The following GXYLT2 variants were observed in gnomAD, a reference collection of about 807,000 sequenced individuals.
GXYLT2 encodes the protein glycosyltransferase 8 domain containing 4.
A neutral mutation model predicts 45.8 loss-of-function variants in GXYLT2; 53 were observed. The observed-to-expected ratio is 1.16, with a 90% CI of 0.93 to 1.46. The LOEUF (loss-of-function observed/expected upper bound fraction) is 1.46, where lower values mean the gene tolerates loss of function less well. Among genes scored for constraint, GXYLT2 ranks in the 40% most tolerant of loss-of-function variants. The pLI is 0.00. For synonymous variants in GXYLT2, 219 were observed against 214.2 expected (o/e 1.02, Z -0.19); for missense variants, 551 against 544.4 (o/e 1.01, Z -0.12).
chr3:72,891,974 C>T (rs1575771539), intron 1 of GXYLT2, among the ~76,000 whole-genome samples: 2 of 152,156 alleles, frequency 1.3e-5, no homozygotes, highest in South Asian at 2.1e-4. Context: ...CATTAGAAGA[C>T]TCTAGCTTGC....
At chr3:72,950,800 G>A (rs930890319) in intron 3 of GXYLT2, among the ~76,000 whole-genome samples, 13 of 152,186 alleles carry the variant, frequency 8.5e-5, no homozygotes, top group African/African-American at 3.1e-4. Context: ...AAGGTGCACT[G>A]GTGAGCCCCT....
intron 6 of GXYLT2, among the ~76,000 whole-genome samples, chr3:72,970,911 T>G (rs1710976917): frequency 6.6e-6 from 1 of 152,172 alleles, no homozygotes; most frequent in South Asian, 2.1e-4. Flanking sequence ...ACAGGGAAAG[T>G]GTTTAGCATG....
Position 72,888,188 on chromosome 3 carries a change from G to A in GXYLT2, c.-46G>A. 2 of 982,970 alleles carry A rather than the reference G, an allele frequency of 2.0e-6. No homozygotes were observed. The highest frequency in any genetic ancestry group is 2.4e-6 in the Non-Finnish European group (2 of 829,884). 60.9% of individuals were successfully genotyped at this position (982,970 alleles called of 1,614,324 possible). A position where few individuals can be genotyped will look rare whatever the true frequency, so the allele number is the denominator to read the frequency against. ...CATCCTGCCGCCGCCGCGATGCGCA[G>A]AGGGGCCGAGCCGCCTGGGGGCCGC... On this transcript the variant is annotated 5_prime_UTR_variant, in exon 1 of 7. Coordinates refer to ENST00000389617, the MANE Select transcript of GXYLT2 (RefSeq NM_001080393.2).
intron 1 of GXYLT2, among the ~76,000 whole-genome samples, chr3:72,892,188 C>T (rs1005165239): frequency 2.0e-5 from 3 of 152,172 alleles, no homozygotes; most frequent in African/African-American, 7.2e-5. Flanking sequence ...ATTTGATGAT[C>T]CTATGATGAG....
intron 5 of GXYLT2, among the ~76,000 whole-genome samples, chr3:72,959,920 C>A (rs1431024861): frequency 6.6e-6 from 1 of 151,464 alleles, no homozygotes; most frequent in African/African-American, 2.4e-5. Flanking sequence ...CAGGCATGAG[C>A]CACCATGACC....
intron 3 of GXYLT2, among the ~76,000 whole-genome samples, chr3:72,949,424 C>CTTTGCTTT (rs1710472644): frequency 6.6e-6 from 1 of 151,510 alleles, no homozygotes; most frequent in African/African-American, 2.4e-5. Context: ...CTCATCATCA[C>CTTTGCTTT]TTTGCTTTGC....
rs1364669755 is a variant in GXYLT2 at position 72,925,160 on chromosome 3, C to CTT, written c.600+2838_600+2839dup. ...ATGTCATCTATTTTTCTTTTTCTTT[C>CTT]TTTTTTTTTTTTTTGAGACAGAGTC... On this transcript the variant is annotated intron_variant, in intron 3 of 6. Coordinates refer to ENST00000389617, the MANE Select transcript of GXYLT2 (RefSeq NM_001080393.2). 1.1e-4 allele frequency among the ~76,000 whole-genome samples: 16 copies of CTT among 142,820 alleles called. No homozygotes were observed. The South Asian group carries it at 2.9e-3, about 26-fold the overall frequency. The allele number at this position is 142,820 out of a possible 152,430, so 93.7% of individuals were successfully genotyped here.
At chr3:72,907,718 T>C (rs1008599864) in intron 1 of GXYLT2, among the ~76,000 whole-genome samples, 1 of 152,148 alleles carries the variant, frequency 6.6e-6, no homozygotes, top group Non-Finnish European at 1.5e-5. Flanking sequence ...TAATGTGAAT[T>C]TCATACTGGA....
intron 3 of GXYLT2, among the ~76,000 whole-genome samples, chr3:72,931,306 C>T (rs765306145): frequency 2.0e-5 from 3 of 151,902 alleles, no homozygotes; most frequent in Non-Finnish European, 4.4e-5. Context: ...CCGCTCACTG[C>T]AAGCTCCGCC....
chr3:72,906,369 T>C (rs951262450), intron 1 of GXYLT2, among the ~76,000 whole-genome samples: 4 of 152,138 alleles, frequency 2.6e-5, no homozygotes, highest in Non-Finnish European at 5.9e-5. Context: ...TTTGCAGAGC[T>C]CACCTTAGTG....
intron 1 of GXYLT2, among the ~76,000 whole-genome samples, chr3:72,891,049 G>T (rs1323826416): frequency 6.6e-6 from 1 of 152,038 alleles, no homozygotes; most frequent in African/African-American, 2.4e-5. Flanking sequence ...ATCTCTGCTC[G>T]GTCTCCTTTA....
At chr3:72,968,373 C>T (rs1443607764) in intron 6 of GXYLT2, among the ~76,000 whole-genome samples, 2 of 152,226 alleles carry the variant, frequency 1.3e-5, no homozygotes, top group Admixed American at 6.5e-5. Flanking sequence ...TGATATTACT[C>T]AGTTCTAGCT....
intron 3 of GXYLT2, among the ~76,000 whole-genome samples, chr3:72,952,704 C>T (rs1318844383): frequency 6.6e-6 from 1 of 152,052 alleles, no homozygotes; most frequent in Non-Finnish European, 1.5e-5. Context: ...CTCCCTCTGT[C>T]CTCACATGGC....
At position 72,888,453 on chromosome 3, in the gene GXYLT2, C is replaced by A; in HGVS notation, c.220C>A (p.Arg74Ser). ...GGGAGTTCGGAGGCGCCGGCCCCCGCGTCCGCGCCCCCGAGCGGGCCGCCG... is the reference window on the plus strand; with the variant it reads ...GGGAGTTCGGAGGCGCCGGCCCCCGAGTCCGCGCCCCCGAGCGGGCCGCCG... ...SPGVRRRRPPRPRPRAGRRGA... is the reference protein window; with the variant it reads ...SPGVRRRRPPSPRPRAGRRGA... Residue 74 changes from arginine (R) to serine (S), a missense_variant, in exon 1 of 7, where the codon CGT becomes AGT. By Grantham distance (110) the Arg-to-Ser change is moderately radical. Coordinates refer to ENST00000389617, the MANE Select transcript of GXYLT2 (RefSeq NM_001080393.2). 1 of 1,219,192 alleles carries A rather than the reference C, an allele frequency of 8.2e-7. No individual in the cohort carries two copies. 75.5% of individuals were successfully genotyped at this position (1,219,192 alleles called of 1,614,324 possible).
Position 72,908,461 on chromosome 3 carries a change from AC to A in GXYLT2, c.371del (p.Thr124SerfsTer26). On this transcript the variant is annotated frameshift_variant, in exon 2 of 7. Coordinates refer to ENST00000389617, the MANE Select transcript of GXYLT2 (RefSeq NM_001080393.2). LOFTEE classifies it high-confidence loss of function. ...GGCCTGTGGCAATCGGCTGGAGGAGACGCTGGTCATGCTCAAATCAGCTGTG... is the reference window on the plus strand; with the variant it reads ...GGCCTGTGGCAATCGGCTGGAGGAGAGCTGGTCATGCTCAAATCAGCTGTG... ...VVACGNRLEETLVMLKSAVLF... is the reference protein window; with the variant it reads ...VVACGNRLEEXLVMLKSAVLF... The A allele has an allele frequency of 6.2e-7, 1 of 1,613,840 alleles. No individual in the cohort carries two copies. The highest frequency in any genetic ancestry group is 8.5e-7 in the Non-Finnish European group (1 of 1,179,866).
chr3:72,966,863 G>C (rs1227684951), intron 5 of GXYLT2, among the ~76,000 whole-genome samples: 1 of 151,700 alleles, frequency 6.6e-6, no homozygotes, highest in Non-Finnish European at 1.5e-5. Flanking sequence ...GACCTCAGGT[G>C]ATTTGCCTGC....
intron 3 of GXYLT2, among the ~76,000 whole-genome samples, chr3:72,950,633 A>G (rs1367179305): frequency 6.6e-6 from 1 of 151,934 alleles, no homozygotes; most frequent in African/African-American, 2.4e-5. Context: ...CTGTCTAAAA[A>G]AAAAAAATGG....
In GXYLT2 at chr3:72,888,403, C is replaced by A. The variant is rs1296686395; in HGVS notation, c.170C>A (p.Pro57Gln). The A allele has an allele frequency of 9.9e-7, 1 of 1,011,544 alleles. No individual in the cohort carries two copies. The highest frequency in any genetic ancestry group is 1.7e-5 in the African/African-American group (1 of 57,352). 62.7% of individuals were successfully genotyped at this position (1,011,544 alleles called of 1,614,324 possible). A position where few individuals can be genotyped will look rare whatever the true frequency, so the allele number is the denominator to read the frequency against. ...CCTGTCCCCGCGCGCTGGCCGGGGC[C>A]GGGCGCCCTCCCCGGGGCCAGCCCG... ...PAPVPARWPG[P>Q]GALPGASPGV... The change falls in exon 1 of 7, where the codon CCG (proline) becomes CAG (glutamine). Residue 57 changes from proline to glutamine, a missense_variant. Coordinates refer to ENST00000389617, the MANE Select transcript of GXYLT2 (RefSeq NM_001080393.2).
At chr3:72,950,494 G>A (rs777698968) in intron 3 of GXYLT2, among the ~76,000 whole-genome samples, 5 of 151,922 alleles carry the variant, frequency 3.3e-5, no homozygotes, top group East Asian at 1.9e-4. Context: ...AGCTGGCCGC[G>A]GTAACTCATG....
Sources: gnomAD v4.1 joint callset for allele counts (sites outside exome capture counted in the v4.1 genomes callset) on GRCh38, gnomAD v4.1.1 for gene constraint, MANE v1.5 for transcripts, NCBI Gene and HGNC (gene_info 2026-07-23, HGNC 2026-07-21) for gene names.